The following SCN10A variants were observed in gnomAD, a reference collection of about 807,000 sequenced individuals.
SCN10A encodes sodium voltage-gated channel alpha subunit 10.
In SCN10A, 162 loss-of-function variants were observed where a neutral mutation model predicts 170.7. That is an observed-to-expected ratio of 0.95 (90% CI 0.84 to 1.08). SCN10A has a LOEUF of 1.08. SCN10A is among the 50% of genes least tolerant of loss of function. SCN10A has a pLI of 0.00. For synonymous variants in SCN10A, 985 were observed against 904.6 expected (o/e 1.09, Z -1.59); for missense variants, 2,527 against 2,436.9 (o/e 1.04, Z -0.78).
At position 38,725,210 on chromosome 3, in the gene SCN10A, C is replaced by T. The variant is rs6791171; in HGVS notation, c.3192G>A (p.Thr1064=). 0.14 allele frequency: 228,521 copies of T among 1,604,944 alleles called. 17,413 individuals carry two copies. The highest frequency in any genetic ancestry group is 0.21 in the African/African-American group (15,635 of 74,840). Residue 1064 remains threonine, a synonymous_variant, in exon 18 of 28, where the codon ACG becomes ACA. Coordinates refer to ENST00000449082, the MANE Select transcript of SCN10A (RefSeq NM_006514.4). ...SEDLAPSLGE[T]WKDESVPQVP... ...CCTGAGGAACAGACTCATCTTTCCA[C>T]GTCTCACCCAGGGATGGAGCCAGGT...
At chr3:38,699,287 C>T (rs547989866) in intron 27 of SCN10A, among the ~76,000 whole-genome samples, 2 of 151,538 alleles carry the variant, frequency 1.3e-5, no homozygotes, top group Admixed American at 1.3e-4. Context: ...CAGTTACTGC[C>T]CCCAACTCCA....
intron 5 of SCN10A, 46 bp downstream of exon 5, chr3:38,771,233 T>A: frequency 6.2e-7 from 1 of 1,602,690 alleles, no homozygotes; most frequent in South Asian, 1.1e-5. Context: ...CACCATTTTG[T>A]CCCCTCTCCT....
intron 4 of SCN10A, among the ~76,000 whole-genome samples, chr3:38,781,550 C>G (rs1403320243): frequency 2.0e-5 from 3 of 152,120 alleles, no homozygotes; most frequent in Non-Finnish European, 4.4e-5. Flanking sequence ...CACCAACCAA[C>G]TACCACTTCT....
At chr3:38,783,010 T>C (rs1313483910) in intron 4 of SCN10A, among the ~76,000 whole-genome samples, 1 of 152,112 alleles carries the variant, frequency 6.6e-6, no homozygotes, top group Non-Finnish European at 1.5e-5. Flanking sequence ...AAAGACTCTC[T>C]TTCTAGCTTA....
intron 1 of SCN10A, among the ~76,000 whole-genome samples, chr3:38,796,234 G>A (rs114158542): frequency 8.6e-4 from 131 of 152,184 alleles, no homozygotes; most frequent in African/African-American, 3.1e-3. Context: ...TTCTGTGTCT[G>A]TCCACAACCT....
In SCN10A at chr3:38,711,711, TTGAC is replaced by T. The variant is rs1257931424; in HGVS notation, c.4089+446_4089+449del. The stretch of plus-strand genomic sequence containing the variant: ...GTAGATGAAGGCAAGAAATGAGTGA[TTGAC>T]TGGATGATGAAAGAAAGAAAGACAG... On this transcript the variant is annotated intron_variant, in intron 23 of 27. Transcript: ENST00000449082. Among the ~76,000 whole-genome samples the T allele has an allele frequency of 6.6e-5, 10 of 152,210 alleles. No individual in the cohort carries two copies. In the East Asian group the frequency reaches 1.2e-3, roughly 18 times the overall value.
At position 38,746,654 on chromosome 3, in the gene SCN10A, G is replaced by C. The variant is rs146254874; in HGVS notation, c.1867+3419C>G. Among the ~76,000 whole-genome samples the C allele has an allele frequency of 7.8e-4, 118 of 152,154 alleles. 3 individuals carry two copies. The highest frequency in any genetic ancestry group is 2.6e-3 in the African/African-American group (106 of 41,520). ...CTCTAGCCTTATTTTCAGTTCTCCT[G>C]GTTCTCTAGGTTACAGCTACATTAG... is the stretch of plus-strand genomic sequence containing the variant. On this transcript the variant is annotated intron_variant, in intron 13 of 27. Coordinates refer to ENST00000449082, the MANE Select transcript of SCN10A (RefSeq NM_006514.4).
chr3:38,756,586 G>T (rs2063807443), intron 10 of SCN10A, 88 bp downstream of exon 10: 2 of 1,034,114 alleles, frequency 1.9e-6, no homozygotes, highest in African/African-American at 1.6e-5. Context: ...TCCCTAAACG[G>T]TGCCCTAATT....
At chr3:38,786,496 G>A (rs1306061363) in intron 4 of SCN10A, among the ~76,000 whole-genome samples, 1 of 152,082 alleles carries the variant, frequency 6.6e-6, no homozygotes, top group Non-Finnish European at 1.5e-5. Flanking sequence ...GGGGCTAGGG[G>A]AGGGATAGCA....
intron 15 of SCN10A, among the ~76,000 whole-genome samples, chr3:38,730,204 A>G (rs904325084): frequency 6.6e-6 from 1 of 152,240 alleles, no homozygotes; most frequent in Admixed American, 6.5e-5. Flanking sequence ...AAACAATCCC[A>G]GGAGAATGCA....
At chr3:38,746,241 T>G (rs1040803506) in intron 13 of SCN10A, among the ~76,000 whole-genome samples, 1 of 151,456 alleles carries the variant, frequency 6.6e-6, no homozygotes, top group African/African-American at 2.4e-5. Context: ...TCTTTCCCCA[T>G]TAAAGCCCCC....
intron 27 of SCN10A, among the ~76,000 whole-genome samples, chr3:38,699,198 GT>G (rs66689339): frequency 0.65 from 82,021 of 127,086 alleles, 25,257 homozygotes; most frequent in Middle Eastern, 0.72. Context: ...GCCTTAATTT[GT>G]TTTTTTTTTT....
intron 4 of SCN10A, among the ~76,000 whole-genome samples, chr3:38,781,616 A>G (rs954120230): frequency 6.6e-6 from 1 of 152,174 alleles, no homozygotes; most frequent in Admixed American, 6.5e-5. Context: ...AGCGGGATGC[A>G]GAAAATGCCT....
rs10212338 is a variant in SCN10A, at chr3:38,771,159, G to A, written c.599+120C>T. 316,612 of 1,084,042 alleles carry A rather than the reference G, an allele frequency of 0.29. 48,086 individuals are homozygous for A. The highest frequency in any genetic ancestry group is 0.33 in the Middle Eastern group (1,513 of 4,626). 67.2% of individuals were successfully genotyped at this position (1,084,042 alleles called of 1,614,324 possible). ...TCCTGCAGTGGTTCTTGGAGCAAACGTTCATGGTGTGAGTCTCCACACTCT... is the reference window on the plus strand; with the variant it reads ...TCCTGCAGTGGTTCTTGGAGCAAACATTCATGGTGTGAGTCTCCACACTCT... On this transcript the variant is annotated intron_variant, in intron 5 of 27. Coordinates refer to ENST00000449082, the MANE Select transcript of SCN10A (RefSeq NM_006514.4).
intron 11 of SCN10A, among the ~76,000 whole-genome samples, chr3:38,754,456 T>C (rs2063781703): frequency 2.0e-5 from 3 of 152,178 alleles, no homozygotes; most frequent in African/African-American, 4.8e-5. Context: ...TTTTTTCCCT[T>C]TGAAAGTAAG....
At chr3:38,758,013 T>C (rs1298754481) in intron 8 of SCN10A, among the ~76,000 whole-genome samples, 2 of 152,206 alleles carry the variant, frequency 1.3e-5, no homozygotes, top group Non-Finnish European at 2.9e-5. Flanking sequence ...AGTCCAGAAT[T>C]ATTTTTTTAA....
intron 26 of SCN10A, among the ~76,000 whole-genome samples, chr3:38,704,795 A>G (rs1246021989): frequency 1.3e-5 from 2 of 152,190 alleles, no homozygotes; most frequent in Non-Finnish European, 2.9e-5. Context: ...AATGGCACCC[A>G]TGCACTGATG....
intron 12 of SCN10A, among the ~76,000 whole-genome samples, chr3:38,751,327 C>T (rs2063744836): frequency 6.6e-6 from 1 of 152,214 alleles, no homozygotes; most frequent in Admixed American, 6.5e-5. Context: ...AGGTGCCTCA[C>T]TGTCCCTTAT....
chr3:38,762,240 G>T (rs2126033220), intron 6 of SCN10A, among the ~76,000 whole-genome samples: 1 of 152,300 alleles, frequency 6.6e-6, no homozygotes, highest in South Asian at 2.1e-4. Flanking sequence ...CCTGGACTGG[G>T]AGCTGAGTGA....
Sources: gnomAD v4.1 joint callset for allele counts (sites outside exome capture counted in the v4.1 genomes callset) on GRCh38, gnomAD v4.1.1 for gene constraint, MANE v1.5 for transcripts, NCBI Gene and HGNC (gene_info 2026-07-23, HGNC 2026-07-21) for gene names.